SORCS3: variants seen among roughly 807,000 people sequenced by gnomAD.
SORCS3 encodes sortilin related VPS10 domain containing receptor 3.
SORCS3 carries 57 observed loss-of-function variants against 146.3 expected under a neutral mutation model. That is an observed-to-expected ratio of 0.39 (90% CI 0.31 to 0.49). The LOEUF is 0.49. SORCS3 is among the 20% of genes least tolerant of loss of function. The pLI, the probability that SORCS3 is intolerant of heterozygous loss-of-function variation, is 0.92. For synonymous variants in SORCS3, 653 were observed against 618.5 expected (o/e 1.06, Z -0.83); for missense variants, 1,341 against 1,575.5 (o/e 0.85, Z 2.52).
chr10:104,888,084 C>G (rs1589537024), intron 2 of SORCS3, among the ~76,000 whole-genome samples: 2 of 152,080 alleles, frequency 1.3e-5, no homozygotes, highest in Middle Eastern at 3.4e-3. Context: ...CCCCTTGGAC[C>G]TCTTTTCCTT....
At chr10:105,013,420 C>A (rs1288473391) in intron 4 of SORCS3, among the ~76,000 whole-genome samples, 3 of 151,944 alleles carry the variant, frequency 2.0e-5, no homozygotes, top group Non-Finnish European at 4.4e-5. Flanking sequence ...GGAAAAAGGT[C>A]ATCTTCTATA....
intron 6 of SORCS3, among the ~76,000 whole-genome samples, chr10:105,093,697 A>C (rs971734094): frequency 2.6e-5 from 4 of 152,164 alleles, no homozygotes; most frequent in Non-Finnish European, 5.9e-5. Context: ...ATCACTATAT[A>C]TCTATTGTTA....
At chr10:104,744,224 A>G (rs1293283926) in intron 1 of SORCS3, among the ~76,000 whole-genome samples, 1 of 152,178 alleles carries the variant, frequency 6.6e-6, no homozygotes, top group Non-Finnish European at 1.5e-5. Context: ...CTGCTTAAAA[A>G]ACAATAATGA....
At chr10:105,086,048 C>G (rs533200105) in intron 5 of SORCS3, among the ~76,000 whole-genome samples, 69 of 152,090 alleles carry the variant, frequency 4.5e-4, no homozygotes, top group African/African-American at 1.6e-3. Flanking sequence ...ATATTCCTAT[C>G]AGGCAAGGAA....
intron 1 of SORCS3, among the ~76,000 whole-genome samples, chr10:104,709,798 G>A (rs2016390865): frequency 6.6e-6 from 1 of 152,074 alleles, no homozygotes; most frequent in Non-Finnish European, 1.5e-5. Flanking sequence ...CTTTGCTTGA[G>A]AGTGAGATGT....
intron 1 of SORCS3, among the ~76,000 whole-genome samples, chr10:104,704,831 A>G (rs1344862463): frequency 6.6e-6 from 1 of 152,064 alleles, no homozygotes; most frequent in Non-Finnish European, 1.5e-5. Context: ...CAAATGCACT[A>G]TGTGCCTTTA....
chr10:104,731,033 A>G (rs2016700269), intron 1 of SORCS3, among the ~76,000 whole-genome samples: 1 of 152,142 alleles, frequency 6.6e-6, no homozygotes, highest in Admixed American at 6.5e-5. Context: ...TTGGATGCAG[A>G]GTGTATTTAT....
chr10:104,797,402 A>G (rs1193747499), intron 1 of SORCS3, among the ~76,000 whole-genome samples: 1 of 152,146 alleles, frequency 6.6e-6, no homozygotes, highest in East Asian at 1.9e-4. Flanking sequence ...TAGGAGCCAC[A>G]TTTGCCATTG....
intron 16 of SORCS3, among the ~76,000 whole-genome samples, chr10:105,207,248 C>T (rs897552405): frequency 2.2e-5 from 3 of 136,646 alleles, no homozygotes; most frequent in South Asian, 4.9e-4. Context: ...TAAAAGTATC[C>T]CTTCCTATTT....
chr10:105,070,336 G>A (rs1197345743), intron 5 of SORCS3, among the ~76,000 whole-genome samples: 1 of 152,190 alleles, frequency 6.6e-6, no homozygotes, highest in Non-Finnish European at 1.5e-5. Flanking sequence ...ATCCAATGCA[G>A]GCTTACTCTA....
intron 4 of SORCS3, among the ~76,000 whole-genome samples, chr10:105,031,362 CAA>C (rs1554870578): frequency 6.3e-5 from 9 of 143,712 alleles, no homozygotes; most frequent in East Asian, 2.0e-4. Context: ...CACACACACA[CAA>C]AAACATGTAT....
chr10:105,030,121 G>A (rs1217726468), intron 4 of SORCS3, among the ~76,000 whole-genome samples: 1 of 152,116 alleles, frequency 6.6e-6, no homozygotes, highest in Non-Finnish European at 1.5e-5. Context: ...CTAGGAGTTG[G>A]GTCTGACTCT....
At chr10:104,808,947 G>A (rs933081529) in intron 1 of SORCS3, among the ~76,000 whole-genome samples, 1 of 152,102 alleles carries the variant, frequency 6.6e-6, no homozygotes, top group Non-Finnish European at 1.5e-5. Context: ...GAAATATTTC[G>A]ACGGCAAAAT....
chr10:104,849,635 A>G lies in SORCS3; in HGVS notation c.695+6776A>G, dbSNP rs562515958. 6.6e-5 allele frequency among the ~76,000 whole-genome samples: 10 copies of G among 152,296 alleles called. No homozygotes were observed. In the South Asian group the frequency reaches 1.9e-3, roughly 28 times the overall value. ...TTGAGCCTCAGTTTACTTTTCCATAAAAATAGAATGATAATAAAGTCTATC... is the reference window on the plus strand; with the variant it reads ...TTGAGCCTCAGTTTACTTTTCCATAGAAATAGAATGATAATAAAGTCTATC... On this transcript the variant is annotated intron_variant, in intron 2 of 26. Coordinates refer to ENST00000369701, the MANE Select transcript of SORCS3 (RefSeq NM_014978.3).
chr10:104,983,706 C>T (rs1485342033), intron 4 of SORCS3, among the ~76,000 whole-genome samples: 2 of 151,828 alleles, frequency 1.3e-5, no homozygotes, highest in African/African-American at 4.8e-5. Flanking sequence ...GAATCCAGAT[C>T]CTAGATTTCT....
At chr10:104,979,941 G>A (rs1279064485) in intron 4 of SORCS3, among the ~76,000 whole-genome samples, 1 of 152,078 alleles carries the variant, frequency 6.6e-6, no homozygotes, top group Non-Finnish European at 1.5e-5. Flanking sequence ...TTTCTATAGA[G>A]GCAAGCTGGG....
Position 105,148,293 on chromosome 10 carries a change from A to T in SORCS3, c.1482+497A>T, listed in dbSNP as rs557157574. 2.0e-5 allele frequency among the ~76,000 whole-genome samples: 3 copies of T among 152,258 alleles called. No homozygotes were observed. The South Asian group carries it at 6.2e-4, about 32-fold the overall frequency. Reference sequence around the variant, plus strand: ...TTTTCTAAGATTCCACCAGATGCCGACATCTATGCAGGGTAAAAAACTGGC... The same window carrying T: ...TTTTCTAAGATTCCACCAGATGCCGTCATCTATGCAGGGTAAAAAACTGGC... On this transcript the variant is annotated intron_variant, in intron 9 of 26. Transcript: ENST00000369701.
intron 4 of SORCS3, among the ~76,000 whole-genome samples, chr10:105,006,804 C>T (rs2055098961): frequency 6.6e-6 from 1 of 152,318 alleles, no homozygotes; most frequent in African/African-American, 2.4e-5. Context: ...CTTCCCCAAC[C>T]ATCCTATGTA....
At position 105,074,544 on chromosome 10, in the gene SORCS3, G is replaced by A. The variant is rs146304715; in HGVS notation, c.1029-15231G>A. 1.7e-3 allele frequency among the ~76,000 whole-genome samples: 258 copies of A among 152,240 alleles called. 1 individual carries two copies. The highest frequency in any genetic ancestry group is 0.01 in the Middle Eastern group (3 of 292). ...AACACACACAGAGCATTATGTTGTCGCAGGAACATGTCTCTCATAAGATAG... is the reference window on the plus strand; with the variant it reads ...AACACACACAGAGCATTATGTTGTCACAGGAACATGTCTCTCATAAGATAG... On this transcript the variant is annotated intron_variant, in intron 5 of 26. Transcript: ENST00000369701.
Sources: allele counts gnomAD v4.1 joint callset (sites outside exome capture counted in the v4.1 genomes callset), GRCh38; gene constraint gnomAD v4.1.1; transcripts MANE v1.5; gene names NCBI Gene and HGNC (gene_info 2026-07-23, HGNC 2026-07-21).